Variants in SLC25A37 observed in about 807,000 individuals in gnomAD.
SLC25A37 encodes the protein solute carrier family 25 member 37, also known as mitoferrin-1.
In SLC25A37, 17 loss-of-function variants were observed where a neutral mutation model predicts 31.0. That is an observed-to-expected ratio of 0.55 (90% CI 0.38 to 0.82). The LOEUF (loss-of-function observed/expected upper bound fraction) is 0.82. SLC25A37 is among the 40% of genes least tolerant of loss of function. SLC25A37 has a pLI of 0.00. For missense variants in SLC25A37, 404 were observed against 465.8 expected, an observed-to-expected ratio of 0.87 and a Z score of 1.22; for synonymous variants, 222 against 193.0, an observed-to-expected ratio of 1.15 and a Z score of -1.24.
intron 1 of SLC25A37, among the ~76,000 whole-genome samples, chr8:23,563,145 G>A (rs78525066): frequency 0.034 from 5,130 of 152,120 alleles, 130 homozygotes; most frequent in East Asian, 0.11. Flanking sequence ...TCACTTTCTC[G>A]TCCTTCCCTT....
intron 1 of SLC25A37, among the ~76,000 whole-genome samples, chr8:23,565,153 T>C (rs1039249663): frequency 6.6e-6 from 1 of 152,246 alleles, no homozygotes; most frequent in Non-Finnish European, 1.5e-5. Context: ...GAGGTGTATG[T>C]ACCCACAGTA....
At chr8:23,533,803 A>C (rs189452113) in intron 1 of SLC25A37, among the ~76,000 whole-genome samples, 1 of 152,350 alleles carries the variant, frequency 6.6e-6, no homozygotes, top group East Asian at 1.9e-4. Flanking sequence ...GGCCACAGAC[A>C]TACCCCTGTG....
chr8:23,564,980 A>T (rs1383845031), intron 1 of SLC25A37, among the ~76,000 whole-genome samples: 1 of 152,124 alleles, frequency 6.6e-6, no homozygotes, highest in Non-Finnish European at 1.5e-5. Context: ...TACTTTGAGG[A>T]TTGACCCACA....
intron 3 of SLC25A37, 171 bp downstream of exon 3, chr8:23,568,549 G>T (rs890861727): frequency 2.8e-6 from 2 of 706,044 alleles, no homozygotes; most frequent in African/African-American, 1.8e-5. Flanking sequence ...CTCAAGAAAG[G>T]ACGTGAACAT....
chr8:23,571,540 G>T lies in SLC25A37; in HGVS notation c.702G>T (p.Pro234=), dbSNP rs368174643. The change falls in exon 4 of 4, where the codon CCG becomes CCT. Residue 234 remains proline, a synonymous_variant. Coordinates refer to ENST00000519973, the MANE Select transcript of SLC25A37 (RefSeq NM_016612.4). ...TCAACCCCCACCGGACCTACAACCC[G>T]CAGTCCCACATCATCTCAGGCGGGC... ...EQVNPHRTYN[P]QSHIISGGLA... 6.2e-7 allele frequency: 1 copy of T among 1,613,742 alleles called. No individual in the cohort carries two copies. Among genetic ancestry groups the T allele is most frequent in the African/African-American group, 1.3e-5 (1 of 74,902 alleles).
intron 1 of SLC25A37, among the ~76,000 whole-genome samples, chr8:23,551,170 T>A (rs1374755769): frequency 6.6e-6 from 1 of 152,246 alleles, no homozygotes; most frequent in East Asian, 1.9e-4. Flanking sequence ...CACTTTTGTC[T>A]GGGCCTCTGT....
intron 1 of SLC25A37, among the ~76,000 whole-genome samples, chr8:23,564,462 TG>T (rs1418246010): frequency 6.3e-5 from 1 of 15,774 alleles, no homozygotes; most frequent in African/African-American, 2.5e-4. Flanking sequence ...GGATGTGTGT[TG>T]GGGGGGAGTG....
chr8:23,536,729 G>C (rs957668832), intron 1 of SLC25A37, among the ~76,000 whole-genome samples: 3 of 152,170 alleles, frequency 2.0e-5, no homozygotes, highest in African/African-American at 7.2e-5. Flanking sequence ...ACCCTGGGAT[G>C]GTCATCAGCT....
At chr8:23,554,285 A>C (rs7816824) in intron 1 of SLC25A37, among the ~76,000 whole-genome samples, 11,371 of 152,258 alleles carry the variant, frequency 0.075, 870 homozygotes, top group East Asian at 0.34. Flanking sequence ...ACCTGAGGCC[A>C]TACAATGTAT....
chr8:23,571,878 T>G lies in SLC25A37; in HGVS notation c.*23T>G. On this transcript the variant is annotated 3_prime_UTR_variant, in exon 4 of 4. Coordinates refer to ENST00000519973, the MANE Select transcript of SLC25A37 (RefSeq NM_016612.4). The stretch of plus-strand genomic sequence containing the variant: ...TAAAGGAAGGGATCATAGAATCTTT[T>G]CTTAAAGTCATTCTCTGCCTGCATC... The G allele has an allele frequency of 6.2e-7, 1 of 1,600,376 alleles. No homozygotes were observed. The highest frequency in any genetic ancestry group is 8.5e-7 in the Non-Finnish European group (1 of 1,170,282).
intron 1 of SLC25A37, among the ~76,000 whole-genome samples, chr8:23,548,269 C>T (rs1432077089): frequency 1.3e-5 from 2 of 152,118 alleles, no homozygotes. Context: ...ACCTCTGCCT[C>T]CCGGGTTCAA....
At chr8:23,533,597 T>C (rs1801704177) in intron 1 of SLC25A37, among the ~76,000 whole-genome samples, 1 of 152,226 alleles carries the variant, frequency 6.6e-6, no homozygotes, top group Non-Finnish European at 1.5e-5. Flanking sequence ...TCTCTCTGAC[T>C]TCAGGGGTTT....
At chr8:23,552,951 C>T (rs1213073691) in intron 1 of SLC25A37, among the ~76,000 whole-genome samples, 1 of 152,110 alleles carries the variant, frequency 6.6e-6, no homozygotes, top group Non-Finnish European at 1.5e-5. Flanking sequence ...CAGCGTGGAG[C>T]GGGGCGGGAG....
rs140281845 is a variant in SLC25A37, at chr8:23,560,663, A to T, written c.211-5445A>T. 3.0e-3 allele frequency among the ~76,000 whole-genome samples: 458 copies of T among 152,332 alleles called. 1 individual carries two copies. The highest frequency in any genetic ancestry group is 0.01 in the African/African-American group (435 of 41,578). On this transcript the variant is annotated intron_variant, in intron 1 of 3. Coordinates refer to ENST00000519973, the MANE Select transcript of SLC25A37 (RefSeq NM_016612.4). Reference sequence around the variant, plus strand: ...AGGCCCATCTCTGCGCTTCTGGGCCACTTGCCTCTGTCTGGGGCTTGTGTC... The same window carrying T: ...AGGCCCATCTCTGCGCTTCTGGGCCTCTTGCCTCTGTCTGGGGCTTGTGTC...
intron 1 of SLC25A37, among the ~76,000 whole-genome samples, chr8:23,565,686 G>C (rs556329069): frequency 6.6e-6 from 1 of 152,346 alleles, no homozygotes; most frequent in East Asian, 1.9e-4. Context: ...TTCACAACCA[G>C]AGTGGGCACC....
chr8:23,565,673 G>A (rs1425799803), intron 1 of SLC25A37, among the ~76,000 whole-genome samples: 1 of 152,242 alleles, frequency 6.6e-6, no homozygotes, highest in Non-Finnish European at 1.5e-5. Flanking sequence ...GGACACAGAA[G>A]TCTTCACAAC....
chr8:23,533,860 C>T (rs544278407), intron 1 of SLC25A37, among the ~76,000 whole-genome samples: 1 of 152,344 alleles, frequency 6.6e-6, no homozygotes, highest in African/African-American at 2.4e-5. Context: ...CTTTGCCACT[C>T]CCATGCCCAC....
intron 1 of SLC25A37, among the ~76,000 whole-genome samples, chr8:23,546,433 C>A (rs1034223007): frequency 1.5e-4 from 23 of 150,002 alleles, no homozygotes; most frequent in Admixed American, 1.0e-3. Flanking sequence ...TGAAATTGTG[C>A]TTAAAAATTT....
At chr8:23,571,202 T>C (rs2117467810) in intron 3 of SLC25A37, 133 bp from the exon 4 acceptor site, 1 of 1,088,020 alleles carries the variant, frequency 9.2e-7, no homozygotes, top group Non-Finnish European at 1.3e-6. Flanking sequence ...GTGTGCTGGC[T>C]CTCGCCTGTT....
Sources: gnomAD v4.1 joint callset for allele counts (sites outside exome capture counted in the v4.1 genomes callset) on GRCh38, gnomAD v4.1.1 for gene constraint, MANE v1.5 for transcripts, NCBI Gene and HGNC (gene_info 2026-07-23, HGNC 2026-07-21) for gene names.